Variants in CMSS1 observed in about 807,000 individuals in gnomAD.
CMSS1 encodes protein CMSS1.
Under a neutral mutation model 43.5 loss-of-function variants are expected in CMSS1, and 33 were observed. That is an observed-to-expected ratio of 0.76 (90% CI 0.57 to 1.01). The LOEUF is 1.01. Ranked by LOEUF, CMSS1 falls within the 50% of genes least tolerant of loss-of-function variation. CMSS1 has a pLI of 0.00. For synonymous variants in CMSS1, 115 were observed against 117.2 expected (o/e 0.98, Z 0.12); for missense variants, 313 against 326.4 (o/e 0.96, Z 0.32).
intron 1 of CMSS1, among the ~76,000 whole-genome samples, chr3:99,824,288 C>T (rs1251786970): frequency 6.6e-6 from 1 of 152,192 alleles, no homozygotes; most frequent in Admixed American, 6.5e-5. Flanking sequence ...GCTTCCTGAT[C>T]AGGCAGTCTA....
chr3:99,962,555 A>G (rs1323520273), intron 1 of CMSS1, among the ~76,000 whole-genome samples: 1 of 152,200 alleles, frequency 6.6e-6, no homozygotes, highest in South Asian at 2.1e-4. Context: ...AGGAAGAGAT[A>G]ATATTGTTTT....
intron 8 of CMSS1, among the ~76,000 whole-genome samples, chr3:100,174,131 G>A (rs1162105808): frequency 6.6e-6 from 1 of 152,186 alleles, no homozygotes; most frequent in Non-Finnish European, 1.5e-5. Context: ...ACAGTAAGCT[G>A]AGGAGTTTGG....
intron 1 of CMSS1, among the ~76,000 whole-genome samples, chr3:100,033,808 T>A (rs983183538): frequency 1.3e-5 from 2 of 152,212 alleles, no homozygotes; most frequent in Non-Finnish European, 2.9e-5. Context: ...TTTTTAGGAT[T>A]TAGAGGTCAA....
At chr3:100,120,528 A>G (rs1340431649) in intron 1 of CMSS1, among the ~76,000 whole-genome samples, 1 of 152,136 alleles carries the variant, frequency 6.6e-6, no homozygotes, top group Non-Finnish European at 1.5e-5. Flanking sequence ...TGTTTTCTGT[A>G]TTAATTGCAC....
At chr3:100,164,050 A>AAT (rs2067047133) in intron 4 of CMSS1, among the ~76,000 whole-genome samples, 1 of 152,154 alleles carries the variant, frequency 6.6e-6, no homozygotes, top group Non-Finnish European at 1.5e-5. Context: ...CAAGGAGATT[A>AAT]CCCTTTAGGG....
intron 1 of CMSS1, among the ~76,000 whole-genome samples, chr3:100,006,823 A>G (rs187079428): frequency 1.3e-5 from 2 of 152,330 alleles, no homozygotes; most frequent in East Asian, 1.9e-4. Context: ...AGCATTCTTG[A>G]TGGGTAGAAC....
At position 99,817,887 on chromosome 3, in the gene CMSS1, A is replaced by G. The variant is rs1424690975; in HGVS notation, c.-93A>G. The G allele has an allele frequency of 3.7e-6, 5 of 1,335,698 alleles. No individual in the cohort carries two copies. The highest frequency in any genetic ancestry group is 4.2e-6 in the Non-Finnish European group (4 of 941,896). 82.7% of individuals were successfully genotyped at this position (1,335,698 alleles called of 1,614,324 possible). A position where few individuals can be genotyped will look rare whatever the true frequency, so the allele number is the denominator to read the frequency against. On this transcript the variant is annotated 5_prime_UTR_variant, in exon 1 of 10. Coordinates refer to ENST00000421999, the MANE Select transcript of CMSS1 (RefSeq NM_032359.4). Reference sequence around the variant, plus strand: ...AGTGTCTAGCGGGAGCTCCGCGTGTAGCTACGCCGGCCGCCTGGCTTTGAG... The same window carrying G: ...AGTGTCTAGCGGGAGCTCCGCGTGTGGCTACGCCGGCCGCCTGGCTTTGAG...
chr3:100,172,061 C>G (rs959286985), intron 7 of CMSS1, 162 bp downstream of exon 7: 3 of 653,822 alleles, frequency 4.6e-6, no homozygotes, highest in Admixed American at 2.9e-5. Context: ...CTTCTGCATA[C>G]CTACCTCCCC....
intron 1 of CMSS1, among the ~76,000 whole-genome samples, chr3:99,872,675 C>T (rs777574878): frequency 6.6e-6 from 1 of 151,916 alleles, no homozygotes; most frequent in Non-Finnish European, 1.5e-5. Flanking sequence ...AATGTGAGGA[C>T]GGTCAGACTG....
intron 1 of CMSS1, among the ~76,000 whole-genome samples, chr3:99,965,223 G>C (rs1410644024): frequency 6.6e-6 from 1 of 152,232 alleles, no homozygotes; most frequent in Non-Finnish European, 1.5e-5. Flanking sequence ...AAATATATGA[G>C]TCAGGTATTT....
intron 1 of CMSS1, among the ~76,000 whole-genome samples, chr3:99,942,632 G>T (rs1473967670): frequency 6.6e-6 from 1 of 152,128 alleles, no homozygotes; most frequent in Non-Finnish European, 1.5e-5. Flanking sequence ...AGGAGTTCAA[G>T]ACCAGCCTGG....
rs748354827 is a variant in CMSS1 at position 100,178,299 on chromosome 3, A to C, written c.757-6A>C. 20 of 1,594,480 alleles carry C rather than the reference A, an allele frequency of 1.3e-5. No individual in the cohort carries two copies. In the Admixed American group the frequency reaches 3.3e-4, roughly 27 times the overall value. On this transcript the variant is annotated splice_region_variant and splice_polypyrimidine_tract_variant and intron_variant, in intron 9 of 9. Transcript: ENST00000421999. Reference sequence around the variant, plus strand: ...ATCTTTTTTTCCCCCCTTTTCTCTCATTTAGATAAGAAAGGAGGTATTCGA... The same window carrying C: ...ATCTTTTTTTCCCCCCTTTTCTCTCCTTTAGATAAGAAAGGAGGTATTCGA...
At chr3:100,155,246 T>C (rs1231874720) in intron 2 of CMSS1, among the ~76,000 whole-genome samples, 1 of 152,178 alleles carries the variant, frequency 6.6e-6, no homozygotes, top group Admixed American at 6.5e-5. Flanking sequence ...GTTGTCACTA[T>C]TACATCATTA....
At chr3:99,947,631 T>C (rs1708050347) in intron 1 of CMSS1, among the ~76,000 whole-genome samples, 1 of 152,242 alleles carries the variant, frequency 6.6e-6, no homozygotes, top group African/African-American at 2.4e-5. Flanking sequence ...TGACAGTGGC[T>C]GCAGGATTTA....
At chr3:100,177,175 T>A (rs1328527753) in intron 9 of CMSS1, among the ~76,000 whole-genome samples, 1 of 152,226 alleles carries the variant, frequency 6.6e-6, no homozygotes, top group African/African-American at 2.4e-5. Flanking sequence ...AATTAATTTA[T>A]CACATAAAGC....
chr3:100,126,250 G>T (rs1576089213), intron 1 of CMSS1, among the ~76,000 whole-genome samples: 1 of 152,074 alleles, frequency 6.6e-6, no homozygotes, highest in African/African-American at 2.4e-5. Context: ...AAATTCACAT[G>T]GTGAATTATC....
At chr3:99,871,559 G>A (rs1347493059) in intron 1 of CMSS1, among the ~76,000 whole-genome samples, 1 of 152,138 alleles carries the variant, frequency 6.6e-6, no homozygotes, top group Admixed American at 6.5e-5. Context: ...AATAAAGCAG[G>A]GTAAGTACCA....
chr3:99,930,772 C>G (rs1707452787), intron 1 of CMSS1: 2 of 1,613,022 alleles, frequency 1.2e-6, no homozygotes, highest in Admixed American at 1.7e-5. Flanking sequence ...AGCTGACCTG[C>G]AGTTCTCCCT....
intron 1 of CMSS1, among the ~76,000 whole-genome samples, chr3:99,975,564 C>G (rs2107724518): frequency 6.6e-6 from 1 of 151,896 alleles, no homozygotes; most frequent in Non-Finnish European, 1.5e-5. Flanking sequence ...TGCACTCCAG[C>G]CTGCAAATGA....
Sources: allele counts gnomAD v4.1 joint callset (sites outside exome capture counted in the v4.1 genomes callset), GRCh38; gene constraint gnomAD v4.1.1; transcripts MANE v1.5; gene names NCBI Gene and HGNC (gene_info 2026-07-23, HGNC 2026-07-21).